TGFA: variants seen among roughly 807,000 people sequenced by gnomAD.
TGFA encodes transforming growth factor alpha, also known as protransforming growth factor alpha.
A neutral mutation model predicts 21.7 loss-of-function variants in TGFA; 12 were observed. That is an observed-to-expected ratio of 0.55 (90% CI 0.35 to 0.90). TGFA has a LOEUF of 0.90. TGFA is among the 40% of genes least tolerant of loss of function. TGFA has a pLI of 0.01. For missense variants in TGFA, 178 were observed against 210.8 expected (o/e 0.84, Z 0.96); for synonymous variants, 79 against 88.1 (o/e 0.90, Z 0.58).
At chr2:70,503,637 G>A (rs188239485) in intron 2 of TGFA, among the ~76,000 whole-genome samples, 1 of 150,950 alleles carries the variant, frequency 6.6e-6, no homozygotes, top group Non-Finnish European at 1.5e-5. Flanking sequence ...GCACAGTTAA[G>A]CTTTAAATCT....
At chr2:70,459,171 C>A (rs1553491104) in intron 3 of TGFA, among the ~76,000 whole-genome samples, 1 of 152,190 alleles carries the variant, frequency 6.6e-6, no homozygotes, top group Admixed American at 6.5e-5. Flanking sequence ...GGGATTCTAG[C>A]ACCTCACCTA....
chr2:70,477,924 T>G (rs2103743173), intron 2 of TGFA, among the ~76,000 whole-genome samples: 1 of 152,336 alleles, frequency 6.6e-6, no homozygotes, highest in South Asian at 2.1e-4. Flanking sequence ...AGGGGTTGGT[T>G]AGAGAATTTC....
intron 3 of TGFA, among the ~76,000 whole-genome samples, chr2:70,459,643 T>C (rs929356361): frequency 6.6e-6 from 1 of 152,204 alleles, no homozygotes; most frequent in East Asian, 1.9e-4. Context: ...GATAACCCCC[T>C]GGGCTGGGAC....
intron 3 of TGFA, among the ~76,000 whole-genome samples, chr2:70,461,249 C>G (rs67894625): frequency 0.13 from 19,787 of 152,218 alleles, 1,521 homozygotes; most frequent in Admixed American, 0.26. Context: ...CTGGGAGGAC[C>G]TGCACTTTCT....
intron 2 of TGFA, 35 bp from the exon 3 acceptor site, chr2:70,465,771 G>C (rs375194574): frequency 7.4e-6 from 12 of 1,611,180 alleles, no homozygotes; most frequent in African/African-American, 4.0e-5. Context: ...TCAGATCCAG[G>C]AACAGCTGAC....
At chr2:70,457,351 G>A (rs782562700) in intron 3 of TGFA, among the ~76,000 whole-genome samples, 7 of 152,080 alleles carry the variant, frequency 4.6e-5, no homozygotes, top group Admixed American at 6.5e-5. Context: ...CCATAAGGAT[G>A]GGATGGTCAT....
At chr2:70,494,920 A>C (rs550708280) in intron 2 of TGFA, among the ~76,000 whole-genome samples, 1 of 152,276 alleles carries the variant, frequency 6.6e-6, no homozygotes, top group South Asian at 2.1e-4. Flanking sequence ...GATTTTATTT[A>C]TAGTGGTTTT....
intron 1 of TGFA, among the ~76,000 whole-genome samples, chr2:70,551,791 T>C (rs922519664): frequency 6.6e-6 from 1 of 152,166 alleles, no homozygotes; most frequent in Non-Finnish European, 1.5e-5. Flanking sequence ...CTTTTAAAGT[T>C]TATACATCAT....
At chr2:70,534,460 T>C (rs1346828286) in intron 1 of TGFA, among the ~76,000 whole-genome samples, 1 of 152,186 alleles carries the variant, frequency 6.6e-6, no homozygotes, top group East Asian at 1.9e-4. Flanking sequence ...ATGTGCCCCA[T>C]GACTTCCAGG....
chr2:70,512,002 A>G (rs938256327), intron 2 of TGFA, among the ~76,000 whole-genome samples: 62 of 140,914 alleles, frequency 4.4e-4, no homozygotes, highest in Admixed American at 1.3e-3. Context: ...CCACCACAGG[A>G]TTTCAGCCCT....
At chr2:70,452,444 T>G (rs1670086179) in intron 5 of TGFA, among the ~76,000 whole-genome samples, 1 of 152,036 alleles carries the variant, frequency 6.6e-6, no homozygotes, top group African/African-American at 2.4e-5. Flanking sequence ...GTAAACTTAA[T>G]GAAGATCATA....
intron 2 of TGFA, among the ~76,000 whole-genome samples, chr2:70,488,063 GA>G (rs1671320661): frequency 6.6e-6 from 1 of 152,116 alleles, no homozygotes; most frequent in Non-Finnish European, 1.5e-5. Context: ...TCTTGATGTA[GA>G]TTTTTTTCAT....
chr2:70,478,209 A>C (rs1670995823), intron 2 of TGFA, among the ~76,000 whole-genome samples: 1 of 152,198 alleles, frequency 6.6e-6, no homozygotes, highest in Non-Finnish European at 1.5e-5. Context: ...GTAATTGAAC[A>C]AAGTGTGGAT....
intron 1 of TGFA, among the ~76,000 whole-genome samples, chr2:70,550,577 T>C (rs577203346): frequency 1.3e-5 from 2 of 152,148 alleles, no homozygotes; most frequent in East Asian, 1.9e-4. Context: ...TCCCAGCCCT[T>C]TGGGAGGCTG....
chr2:70,449,636 G>T lies in TGFA; in HGVS notation c.*1223C>A. The T allele has an allele frequency of 4.0e-6, 1 of 247,016 alleles. No homozygotes were observed. The highest frequency in any genetic ancestry group is 8.5e-6 in the Non-Finnish European group (1 of 117,782). 15.3% of individuals were successfully genotyped at this position (247,016 alleles called of 1,614,324 possible). On this transcript the variant is annotated 3_prime_UTR_variant, in exon 6 of 6. Coordinates refer to ENST00000295400, the MANE Select transcript of TGFA (RefSeq NM_003236.4). ...AAGCCGGCATCCTGAATGGAAATGA[G>T]GAAAAAAAAATTACTGGAATAGTTT...
At chr2:70,498,942 A>G (rs1671657676) in intron 2 of TGFA, among the ~76,000 whole-genome samples, 1 of 152,142 alleles carries the variant, frequency 6.6e-6, no homozygotes, top group African/African-American at 2.4e-5. Context: ...GGTTTTAAAA[A>G]TTACTGATGC....
rs1670008620 is a variant in TGFA at position 70,450,132 on chromosome 2, T to C, written c.*727A>G. 1 of 152,222 alleles carries C rather than the reference T, an allele frequency of 6.6e-6. No individual in the cohort carries two copies. Among genetic ancestry groups the C allele is most frequent in the Admixed American group, 6.5e-5 (1 of 15,282 alleles). 9.4% of individuals were successfully genotyped at this position (152,222 alleles called of 1,614,324 possible). A position where few individuals can be genotyped will look rare whatever the true frequency, so the allele number is the denominator to read the frequency against. ...TCTTGAAGAGGCCAGACATTTCTAA[T>C]CAGTATAGCTTTTCAGTCAGCAACA... On this transcript the variant is annotated 3_prime_UTR_variant, in exon 6 of 6. Coordinates refer to ENST00000295400, the MANE Select transcript of TGFA (RefSeq NM_003236.4).
intron 2 of TGFA, among the ~76,000 whole-genome samples, chr2:70,493,766 C>G (rs537481986): frequency 6.6e-6 from 1 of 152,190 alleles, no homozygotes; most frequent in Non-Finnish European, 1.5e-5. Flanking sequence ...AAGAAGGGAA[C>G]CTTAGTGATG....
intron 1 of TGFA, among the ~76,000 whole-genome samples, chr2:70,526,284 C>A (rs1376531591): frequency 6.6e-6 from 1 of 152,190 alleles, no homozygotes; most frequent in Non-Finnish European, 1.5e-5. Flanking sequence ...AGTAACAAGA[C>A]TGACAAGTCA....
Sources: allele counts gnomAD v4.1 joint callset (sites outside exome capture counted in the v4.1 genomes callset), GRCh38; gene constraint gnomAD v4.1.1; transcripts MANE v1.5; gene names NCBI Gene and HGNC (gene_info 2026-07-23, HGNC 2026-07-21).